ITFG2: variants seen among roughly 807,000 people sequenced by gnomAD.
ITFG2 encodes KICSTOR complex protein ITFG2.
Under a neutral mutation model 54.4 loss-of-function variants are expected in ITFG2, and 36 were observed. The observed-to-expected ratio is 0.66, with a 90% CI of 0.51 to 0.87. The LOEUF is 0.87. Among genes scored for constraint, ITFG2 ranks in the 40% least tolerant of loss-of-function variants. ITFG2 has a pLI of 0.00. For synonymous variants in ITFG2, 211 were observed against 225.4 expected (o/e 0.94, Z 0.57); for missense variants, 524 against 576.7 (o/e 0.91, Z 0.94).
intron 2 of ITFG2, among the ~76,000 whole-genome samples, chr12:2,850,702 T>G (rs2098067502): frequency 6.6e-6 from 1 of 151,462 alleles, no homozygotes; most frequent in African/African-American, 2.4e-5. Flanking sequence ...AGACAGAGTC[T>G]CACTCTGTTG....
intron 3 of ITFG2, chr12:2,859,100 G>T: frequency 6.2e-7 from 1 of 1,606,572 alleles, no homozygotes. Flanking sequence ...TGCTCGGGGT[G>T]GAGGAGATGG....
downstream of ITFG2, chr12:2,827,622 T>C (rs1210087826): frequency 6.2e-7 from 1 of 1,614,156 alleles, no homozygotes; most frequent in Admixed American, 1.7e-5. This position sits in a 1 kb window ranked among gnomAD's most constrained non-coding sequence, Gnocchi z 4.0. Flanking sequence ...GTGGGTGCCT[T>C]ACCTTGAGAG....
At chr12:2,832,744 C>G (rs998276871), upstream of ITFG2, among the ~76,000 whole-genome samples, 1 of 149,462 alleles carries the variant, frequency 6.7e-6, no homozygotes, top group African/African-American at 2.5e-5. Context: ...CATGGCTCAG[C>G]ATCTAGTAGG....
At chr12:2,851,843 T>TA (rs2098072110) in intron 2 of ITFG2, among the ~76,000 whole-genome samples, 1 of 151,952 alleles carries the variant, frequency 6.6e-6, no homozygotes, top group Non-Finnish European at 1.5e-5. Flanking sequence ...CACGCCTGAC[T>TA]AATTTTTGTA....
downstream of ITFG2, among the ~76,000 whole-genome samples, chr12:2,831,552 C>A (rs1219186432): frequency 6.6e-6 from 1 of 151,958 alleles, no homozygotes; most frequent in Non-Finnish European, 1.5e-5. Flanking sequence ...CCACTGCACT[C>A]CAGTCTGGTT....
At chr12:2,841,243 T>G (rs892367662) in intron 2 of ITFG2, among the ~76,000 whole-genome samples, 6 of 152,234 alleles carry the variant, frequency 3.9e-5, no homozygotes, top group African/African-American at 1.4e-4. Flanking sequence ...CACCCTGGCA[T>G]AGTGCCCATC....
At position 2,820,750 on chromosome 12, in the gene ITFG2, GC is replaced by G; in HGVS notation, c.575del (p.Pro192HisfsTer7). ...QVDSLSVTLG[P>X]LGLPELMVSQ... is the part of the protein sequence containing the mutation. ...TGGACAGCCTCTCAGTGACTCTGGG[GC>G]CACTGGGTCTTCCTGAACTGATGGT... On this transcript the variant is annotated frameshift_variant, in exon 6 of 12. Transcript: ENST00000228799. LOFTEE classifies it high-confidence loss of function. 6.2e-7 allele frequency: 1 copy of G among 1,613,986 alleles called. No homozygotes were observed. Among genetic ancestry groups the G allele is most frequent in the East Asian group, 2.2e-5 (1 of 44,864 alleles).
Position 2,817,963 on chromosome 12 carries a change from G to A in ITFG2, c.234+13G>A. 6.2e-7 allele frequency: 1 copy of A among 1,613,440 alleles called. No individual in the cohort carries two copies. Among genetic ancestry groups the A allele is most frequent in the Non-Finnish European group, 8.5e-7 (1 of 1,179,662 alleles). On this transcript the variant is annotated intron_variant, in intron 3 of 11. Transcript: ENST00000228799. ...TAATAAAGGAAAGGTAAGAACTATAGGGGACCTTCCTTGGTTCTTAGCTCA... is the reference window on the plus strand; with the variant it reads ...TAATAAAGGAAAGGTAAGAACTATAAGGGACCTTCCTTGGTTCTTAGCTCA...
At chr12:2,822,559 G>T (rs1245016288) in intron 9 of ITFG2, among the ~76,000 whole-genome samples, 1 of 152,182 alleles carries the variant, frequency 6.6e-6, no homozygotes, top group Non-Finnish European at 1.5e-5. Flanking sequence ...TCCTGATTCT[G>T]CTGCCTCCTA....
intron 2 of ITFG2, among the ~76,000 whole-genome samples, chr12:2,850,947 C>T (rs1015476380): frequency 6.7e-6 from 1 of 148,276 alleles, no homozygotes; most frequent in African/African-American, 2.5e-5. Flanking sequence ...GCTGAGATTA[C>T]AAGCATGAGC....
intron 2 of ITFG2, among the ~76,000 whole-genome samples, chr12:2,844,634 C>T (rs2098049234): frequency 6.6e-6 from 1 of 152,120 alleles, no homozygotes; most frequent in Non-Finnish European, 1.5e-5. Flanking sequence ...TCATACAGGA[C>T]CTACCTTCAG....
At chr12:2,840,304 T>G (rs1364478774) in intron 1 of ITFG2, among the ~76,000 whole-genome samples, 1 of 150,714 alleles carries the variant, frequency 6.6e-6, no homozygotes, top group East Asian at 2.0e-4. Flanking sequence ...CAAAAAAAAA[T>G]TAGCTGGGTG....
At chr12:2,826,839 G>A, downstream of ITFG2, 1 of 325,770 alleles carries the variant, frequency 3.1e-6, no homozygotes, top group Non-Finnish European at 5.2e-6. Context: ...TTGTGTTTGG[G>A]GTGGTATTGG....
intron 1 of ITFG2, among the ~76,000 whole-genome samples, chr12:2,816,681 C>T (rs1158934377): frequency 7.0e-6 from 1 of 143,150 alleles, no homozygotes; most frequent in Non-Finnish European, 1.5e-5. Flanking sequence ...CTCTGTCACC[C>T]AGGCTAGAGT....
rs1354839404 is a variant in ITFG2, at chr12:2,823,771, C to A, written c.1068C>A (p.Gly356=). ...TATCTCCCTGCCAACATCTTCCAGG[C>A]CTGTACGCCTGCAAAGAGGGCCGCA... ...VDENIRAFCA[G]LYACKEGRNS... Residue 356 remains glycine, a splice_region_variant and synonymous_variant, in exon 11 of 12, where the codon GGC becomes GGA. Transcript: ENST00000228799. 7 of 1,559,794 alleles carry A rather than the reference C, an allele frequency of 4.5e-6. No homozygotes were observed. Among genetic ancestry groups the A allele is most frequent in the Non-Finnish European group, 4.3e-6 (5 of 1,151,164 alleles).
rs546272178 is a variant in ITFG2, at chr12:2,824,307, A to G, written c.*114A>G. On this transcript the variant is annotated 3_prime_UTR_variant, in exon 12 of 12. Transcript: ENST00000228799. Reference sequence around the variant, plus strand: ...ATGCATTACAGAAATGCAGGATTTGACTCTGGGCATGAAAGATGGCAGCAG... The same window carrying G: ...ATGCATTACAGAAATGCAGGATTTGGCTCTGGGCATGAAAGATGGCAGCAG... 5.4e-6 allele frequency: 6 copies of G among 1,115,352 alleles called. No individual in the cohort carries two copies. The East Asian group carries it at 7.5e-5, about 14-fold the overall frequency. The allele number at this position is 1,115,352 out of a possible 1,614,324, so 69.1% of individuals were successfully genotyped here.
At chr12:2,814,872 C>T (rs556408447) in intron 1 of ITFG2, among the ~76,000 whole-genome samples, 65 of 151,960 alleles carry the variant, frequency 4.3e-4, no homozygotes, top group African/African-American at 1.3e-3. Flanking sequence ...AAATAAGAAA[C>T]GTCAAGTAAT....
At chr12:2,856,521 A>G (rs530145200) in intron 2 of ITFG2, among the ~76,000 whole-genome samples, 1 of 152,188 alleles carries the variant, frequency 6.6e-6, no homozygotes, top group East Asian at 1.9e-4. Flanking sequence ...GCGTGCCACC[A>G]TGCCTGGCTA....
chr12:2,837,722 A>C (rs2098032052), intron 1 of ITFG2, among the ~76,000 whole-genome samples: 1 of 152,170 alleles, frequency 6.6e-6, no homozygotes, highest in Non-Finnish European at 1.5e-5. Context: ...TCAACTACTC[A>C]GGAGGCTGAG....
Sources: gnomAD v4.1 joint callset for allele counts (sites outside exome capture counted in the v4.1 genomes callset) on GRCh38, gnomAD v4.1.1 for gene constraint, Gnocchi (gnomAD v3.1) non-coding constraint, MANE v1.5 for transcripts, NCBI Gene and HGNC (gene_info 2026-07-23, HGNC 2026-07-21) for gene names.